Variants in VPS54 observed in about 807,000 individuals in gnomAD.
VPS54 encodes VPS54 subunit of GARP complex.
In VPS54, 45 loss-of-function variants were observed where a neutral mutation model predicts 121.5. That is an observed-to-expected ratio of 0.37 (90% CI 0.29 to 0.47). The LOEUF is 0.47. Ranked by LOEUF, VPS54 falls within the 20% of genes least tolerant of loss-of-function variation. VPS54 has a pLI of 0.99. For missense variants in VPS54, 1,090 were observed against 1,131.4 expected (o/e 0.96, Z 0.52); for synonymous variants, 371 against 385.8 (o/e 0.96, Z 0.45).
Position 63,949,086 on chromosome 2 carries a change from T to C in VPS54, c.1088A>G (p.His363Arg). The change falls in exon 8 of 23, where the codon CAC (histidine) becomes CGC (arginine). Residue 363 changes from histidine (H) to arginine (R), a missense_variant. By Grantham distance (29) the His-to-Arg change is conservative. This residue lies in a region of VPS54 where 801 missense variants were observed against 757.0 expected (regional missense o/e 1.06). Coordinates refer to ENST00000272322, the MANE Select transcript of VPS54 (RefSeq NM_016516.3). Reference sequence around the variant, plus strand: ...TTCCAGTGGTCTATTTAAGTCACTGTGAGAATAAGTAGAAAATTCTGCAAT... The same window carrying C: ...TTCCAGTGGTCTATTTAAGTCACTGCGAGAATAAGTAGAAAATTCTGCAAT... ...MMIAEFSTYS[H>R]SDLNRPLEDD... 6.2e-7 allele frequency: 1 copy of C among 1,611,850 alleles called. No homozygotes were observed. The highest frequency in any genetic ancestry group is 8.5e-7 in the Non-Finnish European group (1 of 1,179,168).
chr2:63,931,707 A>G (rs1008977225), intron 12 of VPS54, among the ~76,000 whole-genome samples: 1 of 152,230 alleles, frequency 6.6e-6, no homozygotes, highest in Admixed American at 6.5e-5. Context: ...CTATCATCAG[A>G]GTGAACAGGC....
chr2:63,976,276 G>A (rs918073901), intron 3 of VPS54, among the ~76,000 whole-genome samples: 7 of 150,140 alleles, frequency 4.7e-5, no homozygotes, highest in African/African-American at 1.5e-4. Context: ...TGCTCGAGCC[G>A]GGAGGTTGAG....
chr2:63,947,415 T>A lies in VPS54; in HGVS notation c.1213A>T (p.Met405Leu). The A allele has an allele frequency of 6.4e-7, 1 of 1,557,790 alleles. No homozygotes were observed. The highest frequency in any genetic ancestry group is 8.8e-7 in the Non-Finnish European group (1 of 1,140,104). ...ATGATATTCTTTGCTGTAATAACCATTTTTTCACCATAGATTTCTAAAAAA... is the reference window on the plus strand; with the variant it reads ...ATGATATTCTTTGCTGTAATAACCAATTTTTCACCATAGATTTCTAAAAAA... ...LNFLEIYGEK[M>L]VITAKNIIKQ... The change falls in exon 9 of 23, where the codon ATG (methionine) becomes TTG (leucine). Residue 405 changes from methionine to leucine, a missense_variant. Physicochemically the swap from Met to Leu is conservative, Grantham distance 15. Coordinates refer to ENST00000272322, the MANE Select transcript of VPS54 (RefSeq NM_016516.3).
intron 11 of VPS54, among the ~76,000 whole-genome samples, chr2:63,936,824 G>C (rs1365923364): frequency 6.6e-6 from 1 of 152,116 alleles, no homozygotes; most frequent in Non-Finnish European, 1.5e-5. Flanking sequence ...ATAGAATAGA[G>C]AGAGCCCACA....
At chr2:63,942,031 CAAAAAAAA>C (rs34766515) in intron 11 of VPS54, among the ~76,000 whole-genome samples, 3 of 77,086 alleles carry the variant, frequency 3.9e-5, no homozygotes, top group Non-Finnish European at 7.8e-5. Flanking sequence ...GACTCCACCT[CAAAAAAAA>C]AAAAAAAAAA....
chr2:63,947,393 A>G lies in VPS54; in HGVS notation c.1235T>C (p.Ile412Thr). 6.4e-7 allele frequency: 1 copy of G among 1,553,204 alleles called. No homozygotes were observed. Among genetic ancestry groups the G allele is most frequent in the Non-Finnish European group, 8.8e-7 (1 of 1,142,690 alleles). ...AAAATGCATAATTACCTGTTTAATG[A>G]TATTCTTTGCTGTAATAACCATTTT... is the stretch of plus-strand genomic sequence containing the variant. Reference protein sequence around the residue: ...GEKMVITAKNIIKQCVINKVS... With the variant: ...GEKMVITAKNTIKQCVINKVS... The change falls in exon 9 of 23, where the codon ATC becomes ACC. Residue 412 changes from isoleucine to threonine, a missense_variant. By Grantham distance (89) the Ile-to-Thr change is moderately conservative. Transcript: ENST00000272322.
rs370135979 is a variant in VPS54, at chr2:63,928,972, TC to T, written c.1739+4700del. 3.2e-4 allele frequency among the ~76,000 whole-genome samples: 48 copies of T among 151,930 alleles called. 1 individual carries two copies. The East Asian group carries it at 6.8e-3, about 21-fold the overall frequency. On this transcript the variant is annotated intron_variant, in intron 12 of 22. Coordinates refer to ENST00000272322, the MANE Select transcript of VPS54 (RefSeq NM_016516.3). ...TCAATTCAACAAGAAGAACTAACTA[TC>T]CTAAATATATATACAACCAATACAG...
rs1266240358 is a variant in VPS54 at position 63,912,560 on chromosome 2, G to T, written c.2524C>A (p.His842Asn). The change falls in exon 19 of 23, where the codon CAT becomes AAT. Residue 842 changes from histidine (H) to asparagine (N), a missense_variant. Around this residue, in one of 2 missense-constraint regions of VPS54, gnomAD observed 289 missense variants for 374.4 expected, o/e 0.77. Transcript: ENST00000272322. ...LPPKQYSMLR[H>N]FDHITKDYHD... ...AGTACCTTAGTGATATGATCAAAAT[G>T]CCTAAGCATGCTATATTGCTTAGGT... The T allele has an allele frequency of 6.2e-7, 1 of 1,611,304 alleles. No individual in the cohort carries two copies. The highest frequency in any genetic ancestry group is 2.2e-5 in the East Asian group (1 of 44,814).
rs888564219 is a variant in VPS54 at position 63,972,184 on chromosome 2, T to C, written c.439A>G (p.Thr147Ala). 1 of 1,586,278 alleles carries C rather than the reference T, an allele frequency of 6.3e-7. No individual in the cohort carries two copies. The highest frequency in any genetic ancestry group is 1.7e-5 in the Admixed American group (1 of 59,458). ...TTCATACCATGAGTATGTAAAAGAG[T>C]CCTTTCGAAGGTATCTTTAGGAGGA... Reference protein sequence around the residue: ...ICPPKDTFERTLLHTHDKSRT... With the variant: ...ICPPKDTFERALLHTHDKSRT... Residue 147 changes from threonine (T) to alanine (A), a missense_variant, in exon 4 of 23, where the codon ACT becomes GCT. Transcript: ENST00000272322.
At chr2:64,007,250 C>G (rs1678205281) in intron 1 of VPS54, among the ~76,000 whole-genome samples, 1 of 152,110 alleles carries the variant, frequency 6.6e-6, no homozygotes, top group Non-Finnish European at 1.5e-5. Flanking sequence ...TGGCCTAGAA[C>G]ATAAGCAACT....
At position 63,920,632 on chromosome 2, in the gene VPS54, A is replaced by G; in HGVS notation, c.1870-5T>C. On this transcript the variant is annotated splice_region_variant and splice_polypyrimidine_tract_variant and intron_variant, in intron 13 of 22. Coordinates refer to ENST00000272322, the MANE Select transcript of VPS54 (RefSeq NM_016516.3). The stretch of plus-strand genomic sequence containing the variant: ...TAGCTTCTCAAGAAAACCATCCTAA[A>G]TTTTAATACAAAAATCATGAGAGTT... 1.4e-6 allele frequency: 2 copies of G among 1,467,332 alleles called. No homozygotes were observed. Among genetic ancestry groups the G allele is most frequent in the Non-Finnish European group, 1.8e-6 (2 of 1,107,642 alleles). 90.9% of individuals were successfully genotyped at this position (1,467,332 alleles called of 1,614,324 possible). A position where few individuals can be genotyped will look rare whatever the true frequency, so the allele number is the denominator to read the frequency against.
rs773362483 is a variant in VPS54, at chr2:63,921,194, GA to G, written c.1869+11del. On this transcript the variant is annotated intron_variant, in intron 13 of 22. Transcript: ENST00000272322. ...ACGTATAAAATATATAAAGCTTTAT[GA>G]AAATAGCTACCTTTGCTCTTGACAT... The G allele has an allele frequency of 6.2e-7, 1 of 1,601,188 alleles. No individual in the cohort carries two copies. The highest frequency in any genetic ancestry group is 8.5e-7 in the Non-Finnish European group (1 of 1,174,664).
intron 1 of VPS54, among the ~76,000 whole-genome samples, chr2:64,008,893 T>C (rs1272278085): frequency 1.3e-5 from 2 of 152,242 alleles, no homozygotes; most frequent in African/African-American, 4.8e-5. Flanking sequence ...TCAGATGTTT[T>C]TGTTCATCTT....
chr2:63,972,790 A>C (rs1676345933), intron 3 of VPS54, among the ~76,000 whole-genome samples: 1 of 152,044 alleles, frequency 6.6e-6, no homozygotes, highest in African/African-American at 2.4e-5. Context: ...AGGCACAAGA[A>C]TCACTTAAAC....
chr2:64,009,375 G>A lies in VPS54; in HGVS notation c.-21+9563C>T, dbSNP rs570477858. ...GTGTCGCCTAGACTGGAGTACAGTG[G>A]CAAGATCTCAGTTCATAACAACCTC... On this transcript the variant is annotated intron_variant, in intron 1 of 22. Coordinates refer to ENST00000272322, the MANE Select transcript of VPS54 (RefSeq NM_016516.3). 4.6e-5 allele frequency among the ~76,000 whole-genome samples: 7 copies of A among 152,116 alleles called. 1 individual carries two copies. Among genetic ancestry groups the A allele is most frequent in the Admixed American group, 3.3e-4 (5 of 15,272 alleles).
At chr2:63,904,306 G>A (rs1367497044) in intron 20 of VPS54, among the ~76,000 whole-genome samples, 3 of 151,768 alleles carry the variant, frequency 2.0e-5, no homozygotes, top group African/African-American at 7.3e-5. Flanking sequence ...GGGCGTGGTG[G>A]CAGGCACCTG....
At chr2:63,897,767 G>T (rs901028619) in intron 21 of VPS54, among the ~76,000 whole-genome samples, 177 bp from the exon 22 acceptor site, 1 of 152,058 alleles carries the variant, frequency 6.6e-6, no homozygotes, top group Admixed American at 6.5e-5. Context: ...TTTCTCCTTA[G>T]TTGGAAAAAC....
rs376169088 is a variant in VPS54 at position 63,913,332 on chromosome 2, A to C, written c.2335-22T>G. The C allele has an allele frequency of 6.3e-6, 10 of 1,585,136 alleles. No individual in the cohort carries two copies. In the African/African-American group the frequency reaches 1.4e-4, roughly 22 times the overall value. On this transcript the variant is annotated intron_variant, in intron 17 of 22. Transcript: ENST00000272322. ...AGTACTAACAAAAGAAGGAGAAAAA[A>C]ACCCCAAAATTTACTAAAAACTGTT...
At chr2:63,985,474 T>C (rs1197693457) in intron 1 of VPS54, among the ~76,000 whole-genome samples, 8 of 152,098 alleles carry the variant, frequency 5.3e-5, no homozygotes, top group African/African-American at 1.9e-4. Context: ...CATAACCAAA[T>C]ATACCATTCA....
Sources: allele counts gnomAD v4.1 joint callset (sites outside exome capture counted in the v4.1 genomes callset), GRCh38; gene constraint gnomAD v4.1.1; regional missense constraint gnomAD v4.1.1; transcripts MANE v1.5; gene names NCBI Gene and HGNC (gene_info 2026-07-23, HGNC 2026-07-21).